The following PTPRN2 variants were observed in gnomAD, a reference collection of about 807,000 sequenced individuals.
The protein encoded by PTPRN2 is protein tyrosine phosphatase receptor type N2.
In PTPRN2, 74 loss-of-function variants were observed where a neutral mutation model predicts 118.8. The observed-to-expected ratio is 0.62, with a 90% CI of 0.52 to 0.76. The LOEUF is 0.76. Ranked by LOEUF, PTPRN2 falls within the 30% of genes least tolerant of loss-of-function variation. PTPRN2 has a pLI of 0.00. For missense variants in PTPRN2, 1,481 were observed against 1,394.4 expected (o/e 1.06, Z -0.99); for synonymous variants, 641 against 608.0 (o/e 1.05, Z -0.80).
intron 2 of PTPRN2, among the ~76,000 whole-genome samples, chr7:158,343,729 G>A (rs1010754811): frequency 2.6e-5 from 4 of 151,564 alleles, no homozygotes; most frequent in Admixed American, 6.6e-5. Flanking sequence ...GTGGGCTGTC[G>A]CGGCTGCTCC....
chr7:157,799,717 G>A (rs942295105), intron 12 of PTPRN2, among the ~76,000 whole-genome samples: 15 of 151,170 alleles, frequency 9.9e-5, no homozygotes, highest in African/African-American at 3.7e-4. Context: ...CCAAGGACAA[G>A]ATCCACAGCC....
chr7:158,183,451 A>G (rs1824884369), intron 5 of PTPRN2, among the ~76,000 whole-genome samples: 1 of 151,980 alleles, frequency 6.6e-6, no homozygotes, highest in East Asian at 1.9e-4. Context: ...TGGCCAAGGG[A>G]GTTTGTCCCC....
intron 1 of PTPRN2, among the ~76,000 whole-genome samples, chr7:158,539,032 G>A (rs1223745711): frequency 2.0e-5 from 3 of 152,130 alleles, no homozygotes; most frequent in Non-Finnish European, 2.9e-5. Context: ...TCAGCGCTCT[G>A]GAGGGAACGA....
At chr7:158,539,193 T>G (rs1469632350) in intron 1 of PTPRN2, among the ~76,000 whole-genome samples, 2 of 152,156 alleles carry the variant, frequency 1.3e-5, no homozygotes, top group Non-Finnish European at 2.9e-5. Flanking sequence ...AACTATGAAT[T>G]CCAATGAGTC....
At chr7:157,624,043 A>G (rs1423217348) in intron 14 of PTPRN2, among the ~76,000 whole-genome samples, 1 of 152,228 alleles carries the variant, frequency 6.6e-6, no homozygotes, top group Non-Finnish European at 1.5e-5. Context: ...AAACAATGAA[A>G]GCAAAACCAA....
intron 8 of PTPRN2, among the ~76,000 whole-genome samples, chr7:158,136,431 T>C (rs1165411642): frequency 6.6e-6 from 1 of 152,212 alleles, no homozygotes; most frequent in Admixed American, 6.5e-5. Flanking sequence ...ATTTCTACCA[T>C]GGATAAATTA....
At chr7:157,938,818 A>G (rs866901124) in intron 11 of PTPRN2, among the ~76,000 whole-genome samples, 10 of 152,204 alleles carry the variant, frequency 6.6e-5, no homozygotes, top group African/African-American at 2.4e-4. Context: ...GGATGATCCA[A>G]CCCTGGCAGT....
chr7:157,953,327 G>A lies in PTPRN2; in HGVS notation c.1724-54590C>T, dbSNP rs1800954400. Among the ~76,000 whole-genome samples, 1 of 152,190 alleles carries A rather than the reference G, an allele frequency of 6.6e-6. No homozygotes were observed. ...CTGGAGTGCACGAGGCAGATGGATG[G>A]AGACGTGGGAGCAGGGGCTGGCAGC... On this transcript the variant is annotated intron_variant, in intron 11 of 22. Transcript: ENST00000389418. The surrounding 1 kb of genome is among the most constrained non-coding windows in gnomAD (Gnocchi z 4.6).
chr7:158,335,346 C>T (rs1805355653), intron 2 of PTPRN2, among the ~76,000 whole-genome samples: 1 of 16,860 alleles, frequency 5.9e-5, no homozygotes, highest in East Asian at 1.1e-3. Context: ...TAAGAGGTGA[C>T]ACCTGCAGAT....
chr7:157,892,208 T>C (rs1192706077), intron 12 of PTPRN2, among the ~76,000 whole-genome samples: 1 of 152,080 alleles, frequency 6.6e-6, no homozygotes, highest in Non-Finnish European at 1.5e-5. Flanking sequence ...TCTATCATGA[T>C]GCTAAGAAGC....
intron 11 of PTPRN2, among the ~76,000 whole-genome samples, chr7:157,997,288 C>T (rs535900169): frequency 5.3e-5 from 8 of 152,372 alleles, no homozygotes. Context: ...CCACTGAGGT[C>T]ACAGCACCTG....
rs553508283 is a variant in PTPRN2 at position 158,412,217 on chromosome 7, T to G, written c.163+77518A>C. Among the ~76,000 whole-genome samples, 14 of 99,594 alleles carry G rather than the reference T, an allele frequency of 1.4e-4. 1 individual carries two copies. The highest frequency in any genetic ancestry group is 1.3e-3 in the Admixed American group (13 of 10,040). 65.3% of individuals were successfully genotyped at this position (99,594 alleles called of 152,430 possible). ...GCACCCTCCTCAGCACCAGGGCCCA[T>G]CTCAGCACCCTCCTCAGCACCAGGG... On this transcript the variant is annotated intron_variant, in intron 2 of 22. Transcript: ENST00000389418.
chr7:158,324,448 C>A (rs562728648), intron 2 of PTPRN2, among the ~76,000 whole-genome samples: 5 of 152,100 alleles, frequency 3.3e-5, no homozygotes, highest in African/African-American at 1.2e-4. Flanking sequence ...ATTTACAAGT[C>A]CTCACCCCTG....
chr7:157,931,835 T>C (rs12673663), intron 11 of PTPRN2, among the ~76,000 whole-genome samples: 47,478 of 152,052 alleles, frequency 0.31, 7,835 homozygotes, highest in Non-Finnish European at 0.38. Flanking sequence ...CTCCTGAGCA[T>C]GAGCATGTGC....
intron 2 of PTPRN2, among the ~76,000 whole-genome samples, chr7:158,329,627 T>C (rs979441143): frequency 2.6e-5 from 4 of 152,190 alleles, no homozygotes; most frequent in African/African-American, 9.7e-5. Context: ...AACTGAGAAA[T>C]CAATGTCTGC....
At chr7:158,273,769 AT>A (rs1798713561) in intron 3 of PTPRN2, among the ~76,000 whole-genome samples, 1 of 94,274 alleles carries the variant, frequency 1.1e-5, no homozygotes. Flanking sequence ...ACAGACAGAC[AT>A]GGGAGGAGCC....
chr7:158,539,778 C>T (rs546613634), intron 1 of PTPRN2: 2 of 256,404 alleles, frequency 7.8e-6, no homozygotes, highest in South Asian at 3.5e-5. Flanking sequence ...GCACTGTGAG[C>T]CTGGAGCTGG....
In PTPRN2 at chr7:157,622,082, C is replaced by A. The variant is rs966397437; in HGVS notation, c.2197-573G>T. 4.6e-5 allele frequency among the ~76,000 whole-genome samples: 7 copies of A among 152,072 alleles called. No homozygotes were observed. Among genetic ancestry groups the A allele is most frequent in the African/African-American group, 1.7e-4 (7 of 41,386 alleles). On this transcript the variant is annotated intron_variant, in intron 14 of 22. Coordinates refer to ENST00000389418, the MANE Select transcript of PTPRN2 (RefSeq NM_002847.5). This position sits in a 1 kb window ranked among gnomAD's most constrained non-coding sequence, Gnocchi z 5.3. ...GCATTACTATGAGTAGACAAGGAAA[C>A]AAAGGCCTCCTGAAAATTCCCTTCC...
intron 11 of PTPRN2, among the ~76,000 whole-genome samples, chr7:158,041,830 G>A (rs1808495916): frequency 6.6e-6 from 1 of 152,172 alleles, no homozygotes; most frequent in Non-Finnish European, 1.5e-5. Flanking sequence ...AGTCTTTGCT[G>A]TCATTGACAT....
Sources: allele counts gnomAD v4.1 joint callset (sites outside exome capture counted in the v4.1 genomes callset), GRCh38; gene constraint gnomAD v4.1.1; non-coding constraint Gnocchi (gnomAD v3.1); transcripts MANE v1.5; gene names NCBI Gene and HGNC (gene_info 2026-07-23, HGNC 2026-07-21).